PLEKHA6: variants seen among roughly 807,000 people sequenced by gnomAD.
The protein encoded by PLEKHA6 is pleckstrin homology domain-containing family A member 6.
In PLEKHA6, 60 loss-of-function variants were observed where a neutral mutation model predicts 116.7. That is an observed-to-expected ratio of 0.51 (90% CI 0.42 to 0.64). PLEKHA6 has a LOEUF of 0.64. Ranked by LOEUF, PLEKHA6 falls within the 30% of genes least tolerant of loss-of-function variation. The pLI is 0.00. For synonymous variants in PLEKHA6, 489 were observed against 556.1 expected, an observed-to-expected ratio of 0.88 and a Z score of 1.70; for missense variants, 1,338 against 1,422.7, an observed-to-expected ratio of 0.94 and a Z score of 0.96.
chr1:204,314,974 G>A (rs967519786), intron 1 of PLEKHA6, among the ~76,000 whole-genome samples: 2 of 152,160 alleles, frequency 1.3e-5, no homozygotes, highest in African/African-American at 4.8e-5. Flanking sequence ...CTGCCAGCTT[G>A]GCTCGGAACG....
chr1:204,247,453 G>A lies in PLEKHA6; in HGVS notation c.1832C>T (p.Thr611Ile). 1.2e-6 allele frequency: 2 copies of A among 1,610,122 alleles called. No individual in the cohort carries two copies. The highest frequency in any genetic ancestry group is 2.2e-5 in the East Asian group (1 of 44,810). The change falls in exon 13 of 23, where the codon ACA (threonine) becomes ATA (isoleucine). Residue 611 changes from threonine to isoleucine, a missense_variant. By Grantham distance (89) the Thr-to-Ile change is moderately conservative (BLOSUM62 -1). Transcript: ENST00000272203. ...GTGCTCATACTCTATGGTGCTGTTT[G>A]TCAGGGCCTACGGGGGAAAGAGGCG... ...VELSQATTAL[T>I]NSTIEYEHLE...
intron 1 of PLEKHA6, among the ~76,000 whole-genome samples, chr1:204,327,845 G>A (rs544742595): frequency 6.6e-6 from 1 of 152,318 alleles, no homozygotes; most frequent in Non-Finnish European, 1.5e-5. Context: ...CTAAGGAAAG[G>A]ACAGGGCAGG....
rs1464178957 is a variant in PLEKHA6 at position 204,228,566 on chromosome 1, T to C, written c.2885+162A>G. On this transcript the variant is annotated intron_variant, in intron 20 of 22. Coordinates refer to ENST00000272203, the MANE Select transcript of PLEKHA6 (RefSeq NM_014935.5). The surrounding 1 kb of genome is among the most constrained non-coding windows in gnomAD (Gnocchi z 4.0). ...GTCTTAGTAGCACCTGACAGCAGCA[T>C]CCTTGCCTCTGCCGGTAGCTGGGCC... 6.6e-6 allele frequency among the ~76,000 whole-genome samples: 1 copy of C among 152,138 alleles called. No homozygotes were observed. Among genetic ancestry groups the C allele is most frequent in the East Asian group, 1.9e-4 (1 of 5,192 alleles).
intron 3 of PLEKHA6, among the ~76,000 whole-genome samples, chr1:204,366,736 G>A (rs1450644012): frequency 1.3e-5 from 2 of 152,218 alleles, no homozygotes; most frequent in African/African-American, 4.8e-5. Flanking sequence ...ACTCCAGCCT[G>A]GGTGACAGAG....
chr1:204,226,448 C>A (rs1571728588), intron 21 of PLEKHA6, among the ~76,000 whole-genome samples: 1 of 152,202 alleles, frequency 6.6e-6, no homozygotes, highest in African/African-American at 2.4e-5. Context: ...TTAAACCAGC[C>A]TTGTCTCTCT....
intron 1 of PLEKHA6, among the ~76,000 whole-genome samples, chr1:204,289,382 C>A (rs764815756): frequency 3.9e-5 from 6 of 152,190 alleles, no homozygotes; most frequent in Non-Finnish European, 7.3e-5. Flanking sequence ...GCTACTCCTC[C>A]TCTTGCCAGC....
At chr1:204,321,287 T>C (rs1320763731) in intron 1 of PLEKHA6, among the ~76,000 whole-genome samples, 1 of 152,146 alleles carries the variant, frequency 6.6e-6, no homozygotes, top group East Asian at 1.9e-4. Context: ...CCTGAGGATC[T>C]GCACATGACC....
chr1:204,317,832 G>A (rs570441398), intron 1 of PLEKHA6, among the ~76,000 whole-genome samples: 27 of 152,300 alleles, frequency 1.8e-4, no homozygotes, highest in South Asian at 8.3e-4. Context: ...CACACAATAT[G>A]AGAATCCTGA....
intron 5 of PLEKHA6, among the ~76,000 whole-genome samples, 163 bp from the exon 6 acceptor site, chr1:204,265,205 G>A (rs955752510): frequency 2.0e-5 from 3 of 152,206 alleles, no homozygotes; most frequent in African/African-American, 2.4e-5. Flanking sequence ...CACATGCTCC[G>A]AGAGGACACT....
At chr1:204,317,209 A>G in intron 1 of PLEKHA6, 1 of 971,764 alleles carries the variant, frequency 1.0e-6, no homozygotes, top group African/African-American at 1.8e-5. Context: ...TACTGCTGAT[A>G]GAATACCAAT....
At position 204,269,794 on chromosome 1, in the gene PLEKHA6, G is replaced by A. The variant is rs1011553946; in HGVS notation, c.103-1482C>T. ...GTGTCCTCTGAGACTTAGCTCCACC[G>A]ATCATCTCCTCTCAAATATGTTTCT... is the stretch of plus-strand genomic sequence containing the variant. On this transcript the variant is annotated intron_variant, in intron 3 of 22. Coordinates refer to ENST00000272203, the MANE Select transcript of PLEKHA6 (RefSeq NM_014935.5). 5.3e-5 allele frequency among the ~76,000 whole-genome samples: 8 copies of A among 152,022 alleles called. No homozygotes were observed. The East Asian group carries it at 7.7e-4, about 15-fold the overall frequency.
intron 1 of PLEKHA6, chr1:204,311,571 CA>C (rs1002999769): frequency 1.3e-4 from 126 of 945,456 alleles, no homozygotes; most frequent in Admixed American, 1.2e-3. Flanking sequence ...TTGAGTGTAA[CA>C]AAAAAAAACT....
chr1:204,327,340 G>A (rs1377252514), intron 1 of PLEKHA6, among the ~76,000 whole-genome samples: 1 of 152,092 alleles, frequency 6.6e-6, no homozygotes, highest in African/African-American at 2.4e-5. Context: ...ATTCCTTTCT[G>A]TCTCCCTCTC....
At chr1:204,233,277 C>A (rs1366745906) in intron 17 of PLEKHA6, among the ~76,000 whole-genome samples, 3 of 149,256 alleles carry the variant, frequency 2.0e-5, no homozygotes, top group African/African-American at 7.4e-5. Flanking sequence ...AGGGCTCAGA[C>A]AATCTTCCAG....
At chr1:204,362,172 G>C (rs929955686), upstream of PLEKHA6, among the ~76,000 whole-genome samples, 1 of 152,226 alleles carries the variant, frequency 6.6e-6, no homozygotes, top group African/African-American at 2.4e-5. Flanking sequence ...AGATCTTAGA[G>C]CTACAGCAAG....
chr1:204,228,977 T>C lies in PLEKHA6; in HGVS notation c.2711A>G (p.Glu904Gly). Residue 904 changes from glutamate (E) to glycine (G), a missense_variant, in exon 19 of 23, where the codon GAG (glutamate) becomes GGG (glycine). By Grantham distance (98) the Glu-to-Gly change is moderately conservative. Coordinates refer to ENST00000272203, the MANE Select transcript of PLEKHA6 (RefSeq NM_014935.5). The surrounding 1 kb of genome is among the most constrained non-coding windows in gnomAD (Gnocchi z 4.0). ...REEIARLRKM[E>G]LEPQHYDVDI... ...CACGTCATAATGCTGGGGCTCTAGC[T>C]CCATTTTGCGAAGCCGGGCAATTTC... is the stretch of plus-strand genomic sequence containing the variant. 6.2e-7 allele frequency: 1 copy of C among 1,614,102 alleles called. No individual in the cohort carries two copies.
rs1665903939 is a variant in PLEKHA6 at position 204,259,980 on chromosome 1, C to T, written c.525-240G>A. Among the ~76,000 whole-genome samples, 1 of 152,248 alleles carries T rather than the reference C, an allele frequency of 6.6e-6. No individual in the cohort carries two copies. Among genetic ancestry groups the T allele is most frequent in the South Asian group, 2.1e-4 (1 of 4,816 alleles). On this transcript the variant is annotated intron_variant, in intron 7 of 22. Coordinates refer to ENST00000272203, the MANE Select transcript of PLEKHA6 (RefSeq NM_014935.5). This position sits in a 1 kb window ranked among gnomAD's most constrained non-coding sequence, Gnocchi z 4.6. ...CCACACCTGCTGTGTTAACTCTGCC[C>T]CCCACGTCTTCTCTGCAGGTCATTC...
At chr1:204,330,170 G>T (rs1672396804) in intron 1 of PLEKHA6, among the ~76,000 whole-genome samples, 3 of 152,052 alleles carry the variant, frequency 2.0e-5, no homozygotes, top group Admixed American at 2.0e-4. Flanking sequence ...CTTGATCTTA[G>T]CCAAAAAGCT....
chr1:204,321,454 T>G (rs943032035), intron 1 of PLEKHA6, among the ~76,000 whole-genome samples: 4 of 151,666 alleles, frequency 2.6e-5, no homozygotes, highest in Non-Finnish European at 5.9e-5. Flanking sequence ...CCCCCTGCAG[T>G]GCACTCTGTG....
Sources: gnomAD v4.1 joint callset for allele counts (sites outside exome capture counted in the v4.1 genomes callset) on GRCh38, gnomAD v4.1.1 for gene constraint, Gnocchi (gnomAD v3.1) non-coding constraint, MANE v1.5 for transcripts, NCBI Gene and HGNC (gene_info 2026-07-23, HGNC 2026-07-21) for gene names.